Variants in MIAT observed in about 807,000 individuals in gnomAD.
MIAT encodes MI related novel mRNA.
At chr22:26,672,905 T>A (rs779967382), downstream of MIAT, 4 of 398,310 alleles carry the variant, frequency 1.0e-5, no homozygotes, top group Non-Finnish European at 1.8e-5. Context: ...CGGAAGTCAG[T>A]GAGAGGACTC....
chr22:26,664,214 G>A (rs1930769000), intron 3 of MIAT, among the ~76,000 whole-genome samples: 1 of 152,126 alleles, frequency 6.6e-6, no homozygotes, highest in Non-Finnish European at 1.5e-5. Flanking sequence ...GCTTTGCCGT[G>A]TTGGCCAGGC....
At chr22:26,667,575 G>A (rs1930898884) in intron 5 of MIAT, 1 of 320,724 alleles carries the variant, frequency 3.1e-6, no homozygotes, top group Non-Finnish European at 5.7e-6. Context: ...TGATGCTCCT[G>A]GAGCTTGCTA....
At chr22:26,669,530 A>G in exon 6 of MIAT, 1 of 398,592 alleles carries the variant, frequency 2.5e-6, no homozygotes, top group Non-Finnish European at 4.4e-6. Context: ...GCTTAAACCT[A>G]TGACCTCATT....
downstream of MIAT, chr22:26,674,488 C>G (rs713720): frequency 0.89 from 356,500 of 398,726 alleles, 159,854 homozygotes; most frequent in East Asian, 1. Context: ...GGCTGGCTTA[C>G]AGACCTTAGA....
At chr22:26,669,613 T>G in exon 6 of MIAT, 1 of 398,648 alleles carries the variant, frequency 2.5e-6, no homozygotes, top group Non-Finnish European at 4.4e-6. Context: ...CATATGCATT[T>G]GGGGGAGGGG....
At chr22:26,658,950 C>T (rs1436516164) in intron 2 of MIAT, among the ~76,000 whole-genome samples, 1 of 152,198 alleles carries the variant, frequency 6.6e-6, no homozygotes, top group Non-Finnish European at 1.5e-5. Context: ...CCCGCGATGG[C>T]CCAGGGAGGG....
downstream of MIAT, chr22:26,670,516 T>C (rs931524358): frequency 1.0e-5 from 4 of 393,398 alleles, no homozygotes; most frequent in Non-Finnish European, 1.3e-5. Context: ...AACAGGGCCT[T>C]GAAGGATGAG....
At chr22:26,667,346 G>GTGTGTGTGTGTGCGTGTGCACA in intron 5 of MIAT, 1 of 397,530 alleles carries the variant, frequency 2.5e-6, no homozygotes, top group Non-Finnish European at 4.4e-6. Flanking sequence ...GTGTGTGTGT[G>GTGTGTGTGTGTGCGTGTGCACA]TGTGTGTGCG....
chr22:26,648,123 A>G (rs1268553429), intron 2 of MIAT, among the ~76,000 whole-genome samples: 1 of 152,020 alleles, frequency 6.6e-6, no homozygotes, highest in Non-Finnish European at 1.5e-5. Flanking sequence ...TGCGGTCTGC[A>G]CCTTTCTCTC....
intron 2 of MIAT, chr22:26,663,290 G>A (rs1209262550): frequency 7.5e-6 from 3 of 398,482 alleles, no homozygotes; most frequent in Non-Finnish European, 1.3e-5. Context: ...TTCTCTCACT[G>A]CTGTCTCTTT....
chr22:26,674,158 T>G, downstream of MIAT: 1 of 398,652 alleles, frequency 2.5e-6, no homozygotes, highest in Non-Finnish European at 4.4e-6. Context: ...TATAACTCCG[T>G]CAGTCATTTA....
At chr22:26,666,546 T>C in exon 4 of MIAT, 1 of 398,664 alleles carries the variant, frequency 2.5e-6, no homozygotes, top group Non-Finnish European at 4.4e-6. Flanking sequence ...GAATTCTGGA[T>C]TCCTGACTCT....
downstream of MIAT, chr22:26,673,992 A>T (rs765646566): frequency 2.5e-6 from 1 of 398,576 alleles, no homozygotes; most frequent in African/African-American, 2.1e-5. Context: ...TGCAGCTCTT[A>T]TAAACCTTAA....
At chr22:26,658,808 G>A (rs763840251) in intron 2 of MIAT, among the ~76,000 whole-genome samples, 3 of 152,220 alleles carry the variant, frequency 2.0e-5, no homozygotes, top group Non-Finnish European at 2.9e-5. Context: ...AGGGAGGACT[G>A]CGAGAGAACT....
At chr22:26,673,898 A>G (rs1329171765), downstream of MIAT, 2 of 398,582 alleles carry the variant, frequency 5.0e-6, no homozygotes, top group Non-Finnish European at 8.8e-6. Context: ...GCCATTGGGC[A>G]TATCTTCACT....
chr22:26,675,947 T>A (rs1239249770), exon 5 of MIAT: 6 of 398,196 alleles, frequency 1.5e-5, no homozygotes. Flanking sequence ...ATTCTAAGAG[T>A]GTGTGTGCAT....
At chr22:26,668,212 C>T (rs1930920195) in exon 6 of MIAT, 2 of 398,540 alleles carry the variant, frequency 5.0e-6, no homozygotes. Context: ...TCTCTTTGGA[C>T]CTCGGGTGAC....
exon 4 of MIAT, chr22:26,666,511 T>C: frequency 2.5e-6 from 1 of 398,638 alleles, no homozygotes; most frequent in Non-Finnish European, 4.4e-6. Flanking sequence ...GGCCACCCAG[T>C]GTGGCAGGAG....
intron 3 of MIAT, chr22:26,665,353 G>A (rs138639389): frequency 0.013 from 5,017 of 397,824 alleles, 54 homozygotes; most frequent in Admixed American, 0.02. Context: ...TTTCCTCCAG[G>A]TTTCTCTAGC....
Sources: gnomAD v4.1 joint callset for allele counts (sites outside exome capture counted in the v4.1 genomes callset) on GRCh38, gnomAD v4.1.1 for gene constraint, MANE v1.5 for transcripts, NCBI Gene and HGNC (gene_info 2026-07-23, HGNC 2026-07-21) for gene names.